KCNN2: variants seen among roughly 807,000 people sequenced by gnomAD.
KCNN2 encodes potassium calcium-activated channel subfamily N member 2.
A neutral mutation model predicts 55.5 loss-of-function variants in KCNN2; 24 were observed. That is an observed-to-expected ratio of 0.43 (90% CI 0.31 to 0.61). KCNN2 has a LOEUF of 0.61. Among genes scored for constraint, KCNN2 ranks in the 20% least tolerant of loss-of-function variants. The pLI is 0.08. For synonymous variants in KCNN2, 431 were observed against 336.1 expected (o/e 1.28, Z -3.09); for missense variants, 754 against 853.6 (o/e 0.88, Z 1.45).
intron 2 of KCNN2, among the ~76,000 whole-genome samples, chr5:114,328,704 G>A (rs1475488878): frequency 1.3e-5 from 2 of 152,114 alleles, no homozygotes; most frequent in East Asian, 3.9e-4. Context: ...CCTTTCCTGT[G>A]GGAAGCTGAA....
intron 4 of KCNN2, among the ~76,000 whole-genome samples, chr5:114,466,115 T>G (rs540935566): frequency 6.6e-6 from 1 of 152,250 alleles, no homozygotes; most frequent in East Asian, 1.9e-4. Context: ...TATTATTATT[T>G]TTATAAAATA....
chr5:114,376,076 C>T (rs766150846), intron 2 of KCNN2, among the ~76,000 whole-genome samples: 22 of 150,950 alleles, frequency 1.5e-4, no homozygotes, highest in Admixed American at 6.6e-5. Context: ...CCACGTTCTG[C>T]GTCTCATCTC....
At chr5:114,237,701 CTAA>C (rs1214840644) in intron 2 of KCNN2, among the ~76,000 whole-genome samples, 1 of 152,120 alleles carries the variant, frequency 6.6e-6, no homozygotes, top group East Asian at 1.9e-4. Flanking sequence ...CCTTACTGCC[CTAA>C]TGTTTTATGA....
At position 114,272,305 on chromosome 5, in the gene KCNN2, CACA is replaced by C. The variant is rs1454029726; in HGVS notation, c.-185+50741_-185+50743del. On this transcript the variant is annotated intron_variant, in intron 2 of 10. Transcript: ENST00000512097. The stretch of plus-strand genomic sequence containing the variant: ...CACACACATATATGTATGTACATAT[CACA>C]CACACACATATATGTATGTACATAT... Among the ~76,000 whole-genome samples the C allele has an allele frequency of 6.8e-5, 3 of 44,410 alleles. No individual in the cohort carries two copies. The East Asian group carries it at 2.7e-3, about 40-fold the overall frequency. The allele number at this position is 44,410 out of a possible 152,430, so 29.1% of individuals were successfully genotyped here.
intron 1 of KCNN2, among the ~76,000 whole-genome samples, chr5:114,153,802 ACTT>A (rs1476580324): frequency 6.6e-6 from 1 of 152,190 alleles, no homozygotes; most frequent in Non-Finnish European, 1.5e-5. Flanking sequence ...CTCATGGAGA[ACTT>A]CTCCAAACGA....
chr5:114,307,468 G>C (rs921999368), intron 2 of KCNN2, among the ~76,000 whole-genome samples: 1 of 152,000 alleles, frequency 6.6e-6, no homozygotes, highest in East Asian at 1.9e-4. Context: ...CCTTTCCTCT[G>C]ATGCTTAAAT....
chr5:114,306,700 CTTT>C (rs1245549186), intron 2 of KCNN2, among the ~76,000 whole-genome samples: 9 of 115,508 alleles, frequency 7.8e-5, no homozygotes, highest in South Asian at 2.9e-4. Flanking sequence ...TTTTTTTTTT[CTTT>C]TTTTTTTTTT....
intron 5 of KCNN2, among the ~76,000 whole-genome samples, chr5:114,474,131 C>T (rs1414203642): frequency 6.6e-6 from 1 of 152,136 alleles, no homozygotes; most frequent in African/African-American, 2.4e-5. Context: ...AGCATAGTTC[C>T]AACTTCCAGT....
chr5:114,408,239 CTTG>C (rs1483110603), intron 3 of KCNN2, among the ~76,000 whole-genome samples: 1 of 146,324 alleles, frequency 6.8e-6, no homozygotes, highest in Non-Finnish European at 1.5e-5. Context: ...GTCATTCATT[CTTG>C]TTGTCCTTAT....
intron 2 of KCNN2, among the ~76,000 whole-genome samples, chr5:114,284,343 T>G (rs1325733084): frequency 1.3e-5 from 2 of 152,178 alleles, no homozygotes; most frequent in African/African-American, 4.8e-5. Flanking sequence ...TTTGTGTGAA[T>G]AATAATTGGA....
chr5:114,370,053 A>G (rs1341016822), intron 2 of KCNN2, among the ~76,000 whole-genome samples: 1 of 152,082 alleles, frequency 6.6e-6, no homozygotes, highest in Non-Finnish European at 1.5e-5. Flanking sequence ...AAATAATATA[A>G]TATTTGCTAC....
chr5:114,111,479 A>G (rs1266707438), intron 1 of KCNN2, among the ~76,000 whole-genome samples: 5 of 152,204 alleles, frequency 3.3e-5, no homozygotes, highest in Admixed American at 2.6e-4. Context: ...AAATTGACAA[A>G]TGGGATCTAA....
chr5:114,279,409 T>A (rs931261081), intron 2 of KCNN2, among the ~76,000 whole-genome samples: 16 of 152,126 alleles, frequency 1.1e-4, no homozygotes, highest in African/African-American at 3.9e-4. Flanking sequence ...TGTTAACTCG[T>A]GATTTACATT....
chr5:114,148,367 C>T (rs754030976), intron 1 of KCNN2, among the ~76,000 whole-genome samples: 22 of 152,078 alleles, frequency 1.4e-4, no homozygotes, highest in Non-Finnish European at 2.8e-4. Flanking sequence ...CAGACGAGTT[C>T]CATGGAGACA....
At chr5:114,235,914 C>G (rs1048081356) in intron 2 of KCNN2, among the ~76,000 whole-genome samples, 3 of 152,128 alleles carry the variant, frequency 2.0e-5, no homozygotes, top group Admixed American at 6.6e-5. Context: ...GATTACTCAG[C>G]TGGTTGGGGG....
intron 4 of KCNN2, among the ~76,000 whole-genome samples, chr5:114,470,375 C>G (rs1239955542): frequency 6.6e-6 from 1 of 152,158 alleles, no homozygotes; most frequent in African/African-American, 2.4e-5. Context: ...CCTGAACCAC[C>G]AAGTTCCTGT....
intron 1 of KCNN2, among the ~76,000 whole-genome samples, chr5:114,101,196 T>A (rs1488825737): frequency 1.3e-5 from 2 of 151,960 alleles, no homozygotes; most frequent in African/African-American, 4.8e-5. Context: ...GGTCCACTTT[T>A]AAATCTTTGT....
chr5:114,197,455 C>A (rs1444885719), intron 1 of KCNN2, among the ~76,000 whole-genome samples: 1 of 152,128 alleles, frequency 6.6e-6, no homozygotes, highest in Non-Finnish European at 1.5e-5. Context: ...GTTGAATTGC[C>A]CAGTTCTGCC....
chr5:114,272,842 T>C (rs1009306181), intron 2 of KCNN2, among the ~76,000 whole-genome samples: 2 of 151,978 alleles, frequency 1.3e-5, no homozygotes, highest in Admixed American at 6.6e-5. Flanking sequence ...TGCAAAAACT[T>C]GTCTCATTCT....
Sources: allele counts gnomAD v4.1 joint callset (sites outside exome capture counted in the v4.1 genomes callset), GRCh38; gene constraint gnomAD v4.1.1; transcripts MANE v1.5; gene names NCBI Gene and HGNC (gene_info 2026-07-23, HGNC 2026-07-21).